DNAH9: variants seen among roughly 807,000 people sequenced by gnomAD.
DNAH9 encodes dynein axonemal heavy chain 9.
Under a neutral mutation model 471.6 loss-of-function variants are expected in DNAH9, and 345 were observed. That is an observed-to-expected ratio of 0.73 (90% CI 0.67 to 0.80). The LOEUF is 0.80. Among genes scored for constraint, DNAH9 ranks in the 30% least tolerant of loss-of-function variants. DNAH9 has a pLI of 0.00. For synonymous variants in DNAH9, 2,093 were observed against 2,123.6 expected, an observed-to-expected ratio of 0.99 and a Z score of 0.40; for missense variants, 5,407 against 5,609.2, an observed-to-expected ratio of 0.96 and a Z score of 1.15.
intron 65 of DNAH9, among the ~76,000 whole-genome samples, chr17:11,935,864 G>A (rs1327844866): frequency 6.6e-6 from 1 of 152,102 alleles, no homozygotes; most frequent in African/African-American, 2.4e-5. Context: ...GGACCTATAA[G>A]AGGAGATTTA....
chr17:11,793,572 T>A lies in DNAH9; in HGVS notation c.8131T>A (p.Ser2711Thr). The A allele has an allele frequency of 1.9e-6, 3 of 1,614,010 alleles. No individual in the cohort carries two copies. The highest frequency in any genetic ancestry group is 2.5e-6 in the Non-Finnish European group (3 of 1,179,896). ...TCTTATAAGGCTCTATCTGCATGAATCAAATCGAGTTTATCGGGATAAGAT... is the reference window on the plus strand; with the variant it reads ...TCTTATAAGGCTCTATCTGCATGAAACAAATCGAGTTTATCGGGATAAGAT... ...WDLIRLYLHE[S>T]NRVYRDKMVE... The change falls in exon 42 of 69, where the codon TCA becomes ACA. Residue 2711 changes from serine (S) to threonine (T), a missense_variant. By Grantham distance (58) the Ser-to-Thr change is moderately conservative. Coordinates refer to ENST00000262442, the MANE Select transcript of DNAH9 (RefSeq NM_001372.4).
chr17:11,913,759 GC>G (rs1394259607), intron 61 of DNAH9, among the ~76,000 whole-genome samples: 1 of 151,186 alleles, frequency 6.6e-6, no homozygotes, highest in Non-Finnish European at 1.5e-5. Context: ...TCCAGCCTGG[GC>G]GACAGAGTGA....
At chr17:11,924,272 C>T (rs1423658419) in intron 62 of DNAH9, among the ~76,000 whole-genome samples, 1 of 152,166 alleles carries the variant, frequency 6.6e-6, no homozygotes, top group Non-Finnish European at 1.5e-5. Context: ...ATGCTTTCAA[C>T]AGCTGGTTTC....
At chr17:11,696,842 AT>A (rs1309341962) in intron 22 of DNAH9, among the ~76,000 whole-genome samples, 2 of 152,032 alleles carry the variant, frequency 1.3e-5, no homozygotes, top group Non-Finnish European at 2.9e-5. Flanking sequence ...TCACTGCCAG[AT>A]TTTTTTATAT....
intron 1 of DNAH9, among the ~76,000 whole-genome samples, chr17:11,600,099 G>T (rs942240385): frequency 3.3e-5 from 5 of 152,118 alleles, no homozygotes; most frequent in African/African-American, 1.2e-4. Flanking sequence ...GACACAGAGG[G>T]CCCAGGAAGC....
chr17:11,645,879 CTTT>C (rs760279719), intron 11 of DNAH9, among the ~76,000 whole-genome samples: 5 of 70,612 alleles, frequency 7.1e-5, no homozygotes, highest in Non-Finnish European at 1.5e-4. Context: ...TTTTCTTTTT[CTTT>C]TTTTTTTTTT....
At chr17:11,698,993 G>A (rs2074542447) in intron 22 of DNAH9, among the ~76,000 whole-genome samples, 1 of 152,224 alleles carries the variant, frequency 6.6e-6, no homozygotes. Context: ...GCTCACACCT[G>A]TAATCCCAGC....
chr17:11,888,198 A>C lies in DNAH9; in HGVS notation c.11112+1233A>C, dbSNP rs1307975323. Among the ~76,000 whole-genome samples the C allele has an allele frequency of 4.0e-5, 6 of 151,814 alleles. No homozygotes were observed. In the East Asian group the frequency reaches 9.7e-4, roughly 25 times the overall value. ...ACGGGGTTTCACTGTGTTAGCCAGG[A>C]TGGTCTCGATCTCCGGACTTCGTGA... On this transcript the variant is annotated intron_variant, in intron 57 of 68. Coordinates refer to ENST00000262442, the MANE Select transcript of DNAH9 (RefSeq NM_001372.4).
chr17:11,886,892 C>T lies in DNAH9; in HGVS notation c.11039C>T (p.Ala3680Val), dbSNP rs72815427. The T allele has an allele frequency of 1.2e-3, 1,905 of 1,612,966 alleles. 3 individuals carry two copies. Among genetic ancestry groups the T allele is most frequent in the Middle Eastern group, 1.8e-3 (11 of 6,058 alleles). The change falls in exon 57 of 69, where the codon GCC (alanine) becomes GTC (valine). Residue 3680 changes from alanine (A) to valine (V), a missense_variant. Around this residue, in one of 3 missense-constraint regions of DNAH9, gnomAD observed 4,636 missense variants for 4,900.3 expected, o/e 0.95. Coordinates refer to ENST00000262442, the MANE Select transcript of DNAH9 (RefSeq NM_001372.4). ...CGAGAGCACTACCGGCCAGCAGCTGCCAGGGCCTCACTGCTCTACTTCATC... is the reference window on the plus strand; with the variant it reads ...CGAGAGCACTACCGGCCAGCAGCTGTCAGGGCCTCACTGCTCTACTTCATC... ...EAREHYRPAA[A>V]RASLLYFIMN...
At chr17:11,719,710 GC>G (rs2075022356) in intron 27 of DNAH9, among the ~76,000 whole-genome samples, 1 of 152,162 alleles carries the variant, frequency 6.6e-6, no homozygotes, top group Admixed American at 6.5e-5. Flanking sequence ...AGGAAGCACA[GC>G]CCTTTGTATT....
intron 3 of DNAH9, among the ~76,000 whole-genome samples, chr17:11,611,252 C>T (rs1411068943): frequency 6.6e-6 from 1 of 152,216 alleles, no homozygotes; most frequent in South Asian, 2.1e-4. Flanking sequence ...TTGTCTGTAC[C>T]ACCCTGCTGA....
chr17:11,807,813 G>A lies in DNAH9; in HGVS notation c.8502G>A (p.Leu2834=). The A allele has an allele frequency of 6.2e-7, 1 of 1,614,092 alleles. No individual in the cohort carries two copies. Among genetic ancestry groups the A allele is most frequent in the South Asian group, 1.1e-5 (1 of 91,070 alleles). ...VGVGGSGKQS[L]TRLAAFISSM... is the part of the protein sequence containing the mutation. ...TAGGTGGGAGCGGCAAGCAGAGCCT[G>A]ACAAGGCTGGCAGCTTTCATCAGCT... Residue 2834 remains leucine (L), a synonymous_variant, in exon 44 of 69, where the codon CTG becomes CTA. Coordinates refer to ENST00000262442, the MANE Select transcript of DNAH9 (RefSeq NM_001372.4).
At chr17:11,952,763 C>A (rs779173307) in intron 67 of DNAH9, among the ~76,000 whole-genome samples, 3 of 152,170 alleles carry the variant, frequency 2.0e-5, no homozygotes, top group Non-Finnish European at 4.4e-5. Flanking sequence ...ACTTTTCCCA[C>A]TGACCTCTCT....
intron 1 of DNAH9, among the ~76,000 whole-genome samples, chr17:11,602,292 TAG>T (rs71142220): frequency 0.043 from 6,568 of 152,254 alleles, 172 homozygotes; most frequent in Non-Finnish European, 0.066. Context: ...ACACCTGGAA[TAG>T]AGTGTCACAC....
chr17:11,671,479 C>T (rs2073971520), intron 17 of DNAH9, among the ~76,000 whole-genome samples: 1 of 152,104 alleles, frequency 6.6e-6, no homozygotes. Context: ...ACATGGCAAG[C>T]AGGCTCAGGA....
At position 11,711,992 on chromosome 17, in the gene DNAH9, ATATATATATTTG is replaced by A. The variant is rs1364824154; in HGVS notation, c.5552+6819_5552+6830del. On this transcript the variant is annotated intron_variant, in intron 26 of 68. Coordinates refer to ENST00000262442, the MANE Select transcript of DNAH9 (RefSeq NM_001372.4). ...TATTTGTATATATATTTATATATAA[ATATATATATTTG>A]TATATATATTTATATATAAATATAT... is the stretch of plus-strand genomic sequence containing the variant. Among the ~76,000 whole-genome samples the A allele has an allele frequency of 1.6e-3, 28 of 17,412 alleles. 8 individuals are homozygous for A. The highest frequency in any genetic ancestry group is 1.8e-3 in the Non-Finnish European group (16 of 8,872). The allele number at this position is 17,412 out of a possible 152,430, so 11.4% of individuals were successfully genotyped here.
chr17:11,803,644 G>T (rs755803855), intron 43 of DNAH9, among the ~76,000 whole-genome samples: 2 of 152,166 alleles, frequency 1.3e-5, no homozygotes, highest in African/African-American at 2.4e-5. Flanking sequence ...GCTGGAGTCC[G>T]GTGCTGACGG....
In DNAH9 at chr17:11,922,663, A is replaced by G. The variant is rs191792592; in HGVS notation, c.11750-1151A>G. On this transcript the variant is annotated intron_variant, in intron 61 of 68. Transcript: ENST00000262442. ...AAAATTCACACCTACACAACTAAAC[A>G]GCTTCATGTCTTGCCCCTCTTCACT... Among the ~76,000 whole-genome samples the G allele has an allele frequency of 2.6e-5, 4 of 152,306 alleles. No homozygotes were observed. In the East Asian group the frequency reaches 5.8e-4, roughly 22 times the overall value.
intron 38 of DNAH9, among the ~76,000 whole-genome samples, chr17:11,778,593 G>A (rs1968554152): frequency 6.6e-6 from 1 of 151,976 alleles, no homozygotes; most frequent in Non-Finnish European, 1.5e-5. Context: ...GGGAGTCTAG[G>A]GCAAAAGCTA....
Sources: allele counts gnomAD v4.1 joint callset (sites outside exome capture counted in the v4.1 genomes callset), GRCh38; gene constraint gnomAD v4.1.1; regional missense constraint gnomAD v4.1.1; transcripts MANE v1.5; gene names NCBI Gene and HGNC (gene_info 2026-07-23, HGNC 2026-07-21).